The following TMEFF1 variants were observed in gnomAD, a reference collection of about 807,000 sequenced individuals.
The protein encoded by TMEFF1 is transmembrane protein with EGF like and two follistatin like domains 1, also known as tomoregulin-1.
In TMEFF1, 20 loss-of-function variants were observed where a neutral mutation model predicts 47.5. The observed-to-expected ratio is 0.42, with a 90% CI of 0.30 to 0.61. TMEFF1 has a LOEUF of 0.61. Ranked by LOEUF, TMEFF1 falls within the 20% of genes least tolerant of loss-of-function variation. The pLI is 0.19. For missense variants in TMEFF1, 411 were observed against 471.1 expected, an observed-to-expected ratio of 0.87 and a Z score of 1.18; for synonymous variants, 162 against 166.3, an observed-to-expected ratio of 0.97 and a Z score of 0.20.
intron 5 of TMEFF1, among the ~76,000 whole-genome samples, chr9:100,527,657 C>G (rs910440764): frequency 1.3e-5 from 2 of 152,170 alleles, no homozygotes; most frequent in Non-Finnish European, 2.9e-5. Flanking sequence ...GGCAGCGAGG[C>G]TGGGGGAGGG....
chr9:100,557,131 G>C (rs1270422921), intron 7 of TMEFF1, among the ~76,000 whole-genome samples: 1 of 151,144 alleles, frequency 6.6e-6, no homozygotes, highest in African/African-American at 2.4e-5. Flanking sequence ...TCTTTATTGA[G>C]ATTCCATTTA....
rs1839361892 is a variant in TMEFF1 at position 100,576,817 on chromosome 9, C to T, written c.*217C>T. ...CAGAAATTGCTTTCACAAATTTGTA[C>T]CACATGGTAATTCTAAGACTTGTTC... On this transcript the variant is annotated 3_prime_UTR_variant, in exon 10 of 10. Coordinates refer to ENST00000374879, the MANE Select transcript of TMEFF1 (RefSeq NM_003692.5). 2.2e-6 allele frequency: 1 copy of T among 450,328 alleles called. No homozygotes were observed. The highest frequency in any genetic ancestry group is 4.0e-5 in the Admixed American group (1 of 24,762). The allele number at this position is 450,328 out of a possible 1,614,324, so 27.9% of individuals were successfully genotyped here.
intron 5 of TMEFF1, among the ~76,000 whole-genome samples, chr9:100,527,785 G>A (rs1363324598): frequency 6.6e-6 from 1 of 152,160 alleles, no homozygotes; most frequent in Admixed American, 6.5e-5. Context: ...ACCTCTGGGG[G>A]CAGGGCACAG....
intron 1 of TMEFF1, among the ~76,000 whole-genome samples, chr9:100,488,948 A>G (rs1004337002): frequency 6.6e-6 from 1 of 152,162 alleles, no homozygotes; most frequent in African/African-American, 2.4e-5. Context: ...AGCATGTTAA[A>G]GTATACAATT....
intron 1 of TMEFF1, among the ~76,000 whole-genome samples, chr9:100,486,352 C>T (rs1262441585): frequency 1.3e-5 from 2 of 152,160 alleles, no homozygotes; most frequent in Admixed American, 6.5e-5. Flanking sequence ...AAGTAATTCT[C>T]CTGCTTCAGC....
At chr9:100,497,986 C>G (rs1294170618) in intron 1 of TMEFF1, among the ~76,000 whole-genome samples, 1 of 151,982 alleles carries the variant, frequency 6.6e-6, no homozygotes, top group Non-Finnish European at 1.5e-5. Flanking sequence ...CTCTCATTCC[C>G]CATACAAAGT....
chr9:100,568,730 T>A (rs1839174031), intron 8 of TMEFF1, among the ~76,000 whole-genome samples: 1 of 152,142 alleles, frequency 6.6e-6, no homozygotes, highest in Non-Finnish European at 1.5e-5. Flanking sequence ...CCAAATCCCC[T>A]CATGCTCTCT....
At chr9:100,572,095 G>T (rs1037541355) in intron 8 of TMEFF1, among the ~76,000 whole-genome samples, 2 of 151,954 alleles carry the variant, frequency 1.3e-5, no homozygotes, top group Non-Finnish European at 2.9e-5. Flanking sequence ...CCATGGCCCG[G>T]GAGTTGGGGG....
intron 5 of TMEFF1, among the ~76,000 whole-genome samples, chr9:100,533,652 C>T (rs377216429): frequency 1.3e-5 from 2 of 151,550 alleles, no homozygotes; most frequent in African/African-American, 4.8e-5. Flanking sequence ...TTTTTATTGG[C>T]TTTTTTTTCT....
chr9:100,501,033 G>T (rs542276728), intron 2 of TMEFF1, among the ~76,000 whole-genome samples: 14 of 152,244 alleles, frequency 9.2e-5, no homozygotes, highest in African/African-American at 3.1e-4. Context: ...GACTCCCCTC[G>T]AACTCTCTCC....
intron 5 of TMEFF1, among the ~76,000 whole-genome samples, chr9:100,535,413 C>CT: frequency 6.6e-6 from 1 of 152,286 alleles, no homozygotes; most frequent in African/African-American, 2.4e-5. Flanking sequence ...AAGCACTTCC[C>CT]TTTTTTGAAT....
At chr9:100,518,037 C>T (rs757876384) in intron 5 of TMEFF1, among the ~76,000 whole-genome samples, 9 of 152,116 alleles carry the variant, frequency 5.9e-5, no homozygotes, top group Non-Finnish European at 8.8e-5. Flanking sequence ...TTATTCCTTT[C>T]GCGGTGCTTC....
chr9:100,540,168 T>C (rs963744587), intron 5 of TMEFF1, among the ~76,000 whole-genome samples: 1 of 151,184 alleles, frequency 6.6e-6, no homozygotes, highest in African/African-American at 2.4e-5. Flanking sequence ...TAGCTGGACA[T>C]AAAAGTTCTC....
chr9:100,511,411 CCT>C, intron 3 of TMEFF1, among the ~76,000 whole-genome samples: 1 of 152,244 alleles, frequency 6.6e-6, no homozygotes, highest in Admixed American at 6.5e-5. Flanking sequence ...AATCACTAAG[CCT>C]CTCTGAGCCC....
At chr9:100,544,223 G>A (rs929034110) in intron 5 of TMEFF1, among the ~76,000 whole-genome samples, 2 of 151,962 alleles carry the variant, frequency 1.3e-5, no homozygotes, top group Non-Finnish European at 2.9e-5. Context: ...CAGAGGCCTT[G>A]TGTTAGTCTG....
chr9:100,525,026 G>A (rs1016686785), intron 5 of TMEFF1, among the ~76,000 whole-genome samples: 8 of 152,122 alleles, frequency 5.3e-5, no homozygotes, highest in Admixed American at 1.3e-4. Flanking sequence ...GTTGGGTACG[G>A]TAGCACTAGG....
At chr9:100,495,621 G>T (rs1837637452) in intron 1 of TMEFF1, among the ~76,000 whole-genome samples, 2 of 152,110 alleles carry the variant, frequency 1.3e-5, no homozygotes, top group Admixed American at 6.5e-5. Context: ...CTTAGTAATG[G>T]CTTTCTGATG....
intron 1 of TMEFF1, among the ~76,000 whole-genome samples, chr9:100,488,617 TA>T: frequency 6.6e-6 from 1 of 152,318 alleles, no homozygotes; most frequent in East Asian, 1.9e-4. Context: ...TTATGTGTAT[TA>T]TTATTTTGCT....
At chr9:100,523,294 T>A (rs1838199221) in intron 5 of TMEFF1, among the ~76,000 whole-genome samples, 1 of 152,240 alleles carries the variant, frequency 6.6e-6, no homozygotes, top group African/African-American at 2.4e-5. Context: ...CCTCTTCTTA[T>A]AAGCCTACCT....
Sources: gnomAD v4.1 joint callset for allele counts (sites outside exome capture counted in the v4.1 genomes callset) on GRCh38, gnomAD v4.1.1 for gene constraint, MANE v1.5 for transcripts, NCBI Gene and HGNC (gene_info 2026-07-23, HGNC 2026-07-21) for gene names.